C5orf58: variants seen among roughly 807,000 people sequenced by gnomAD.
C5orf58 encodes chromosome 5 open reading frame 58, also known as putative uncharacterized protein C5orf58.
C5orf58 carries 2 observed loss-of-function variants against 2.9 expected under a neutral mutation model. That is an observed-to-expected ratio of 0.69 (90% confidence interval 0.28 to 2.18). C5orf58 has a LOEUF of 2.18. Ranked by LOEUF, C5orf58 falls within the 30% of genes most tolerant of loss-of-function variation. C5orf58 has a pLI of 0.13. For missense variants in C5orf58, 96 were observed against 91.7 expected, an observed-to-expected ratio of 1.05 and a Z score of -0.19; for synonymous variants, 37 against 33.4, an observed-to-expected ratio of 1.11 and a Z score of -0.37.
chr5:170,248,581 G>T, downstream of C5orf58: 1 of 1,039,240 alleles, frequency 9.6e-7, no homozygotes, highest in Non-Finnish European at 1.4e-6. Flanking sequence ...TAAAACCCTT[G>T]TGTTCATGGG....
chr5:170,249,953 T>C (rs1761395460), downstream of C5orf58, among the ~76,000 whole-genome samples: 1 of 152,240 alleles, frequency 6.6e-6, no homozygotes, highest in Non-Finnish European at 1.5e-5. Flanking sequence ...TCTGTGCAGC[T>C]CTATCCACTG....
rs374437895 is a variant in C5orf58, at chr5:170,234,181, G to T, written c.-18G>T. ...TCTCCCTGCTCAGGAAAAGGTAGAG[G>T]CAAGGATTGACTTAAAGGTTAGTTT... On this transcript the variant is annotated 5_prime_UTR_variant, in exon 2 of 4. Coordinates refer to ENST00000593851, the MANE Select transcript of C5orf58 (RefSeq NM_001102609.3). 5.1e-6 allele frequency: 7 copies of T among 1,367,220 alleles called. No individual in the cohort carries two copies. The African/African-American group carries it at 1.0e-4, about 20-fold the overall frequency. 84.7% of individuals were successfully genotyped at this position (1,367,220 alleles called of 1,614,324 possible).
rs558670052 is a variant in C5orf58, at chr5:170,245,762, C to T, written c.95-200C>T. Among the ~76,000 whole-genome samples, 311 of 152,256 alleles carry T rather than the reference C, an allele frequency of 2.0e-3. 1 individual carries two copies. The Middle Eastern group carries it at 0.044, about 22-fold the overall frequency. ...GTCGCTCACGCTGGGAGCTGTAGAC[C>T]GGAGCTGTTCCTATTCAGCCATCTT... is the stretch of plus-strand genomic sequence containing the variant. On this transcript the variant is annotated intron_variant, in intron 3 of 3. Coordinates refer to ENST00000593851, the MANE Select transcript of C5orf58 (RefSeq NM_001102609.3).
downstream of C5orf58, among the ~76,000 whole-genome samples, chr5:170,249,380 A>ATATCTC (rs57880741): frequency 8.8e-5 from 13 of 148,024 alleles, no homozygotes; most frequent in South Asian, 2.1e-4. Flanking sequence ...ATATATATAT[A>ATATCTC]TCTACATATC....
rs1411544410 is a variant in C5orf58 at position 170,235,047 on chromosome 5, C to T, written c.71C>T (p.Ser24Phe). 1 of 1,510,968 alleles carries T rather than the reference C, an allele frequency of 6.6e-7. No homozygotes were observed. The highest frequency in any genetic ancestry group is 9.1e-7 in the Non-Finnish European group (1 of 1,099,224). The allele number at this position is 1,510,968 out of a possible 1,614,324, so 93.6% of individuals were successfully genotyped here. The change falls in exon 3 of 4, where the codon TCT becomes TTT. Residue 24 changes from serine to phenylalanine, a missense_variant. Physicochemically the swap from Ser to Phe is radical, Grantham distance 155. Coordinates refer to ENST00000593851, the MANE Select transcript of C5orf58 (RefSeq NM_001102609.3). ...GTAATTAAAAATATTAACACAATTT[C>T]TTCGGAGTTGAAGAAGATAAAAGGT... Reference protein sequence around the residue: ...DKVIKNINTISSELKKIKELS... With the variant: ...DKVIKNINTIFSELKKIKELS...
At chr5:170,238,379 G>A (rs1000900845) in intron 3 of C5orf58, among the ~76,000 whole-genome samples, 1 of 152,052 alleles carries the variant, frequency 6.6e-6, no homozygotes, top group African/African-American at 2.4e-5. Context: ...AGGGTTGAAA[G>A]GTAAAATGAA....
At chr5:170,245,925 T>C (rs554519084) in intron 3 of C5orf58, 37 bp from the exon 4 acceptor site, 2 of 1,580,366 alleles carry the variant, frequency 1.3e-6, no homozygotes, top group East Asian at 4.5e-5. Flanking sequence ...ATGACATATG[T>C]GCTACAATAT....
chr5:170,245,632 C>T (rs558922899), intron 3 of C5orf58, among the ~76,000 whole-genome samples: 75 of 152,356 alleles, frequency 4.9e-4, no homozygotes, highest in African/African-American at 1.8e-3. Flanking sequence ...TGCTTCGGCT[C>T]GCACACCGTG....
At chr5:170,246,651 T>C (rs1397104094), downstream of C5orf58, 2 of 152,886 alleles carry the variant, frequency 1.3e-5, no homozygotes, top group Non-Finnish European at 2.9e-5. Context: ...TGTACAGCAT[T>C]GCCTTTGGGG....
intron 3 of C5orf58, among the ~76,000 whole-genome samples, chr5:170,241,061 GGTTT>G (rs1269974977): frequency 6.9e-6 from 1 of 145,670 alleles, no homozygotes; most frequent in Non-Finnish European, 1.5e-5. Context: ...GTTTTTCTCA[GGTTT>G]GTCAAAGATC....
In C5orf58 at chr5:170,246,114, TTTC is replaced by T. The variant is rs1761279929; in HGVS notation, c.*4_*6del. On this transcript the variant is annotated 3_prime_UTR_variant, in exon 4 of 4. Coordinates refer to ENST00000593851, the MANE Select transcript of C5orf58 (RefSeq NM_001102609.3). ...TGTTTCTAACAGTTTTTCTATCTGA[TTTC>T]TTATTTGTTATGAGTTTCTGTTTTA... 6.2e-7 allele frequency: 1 copy of T among 1,606,436 alleles called. No individual in the cohort carries two copies. The highest frequency in any genetic ancestry group is 1.3e-5 in the African/African-American group (1 of 74,588).
chr5:170,244,734 GT>G (rs1761178654), intron 3 of C5orf58, among the ~76,000 whole-genome samples: 1 of 151,858 alleles, frequency 6.6e-6, no homozygotes, highest in African/African-American at 2.4e-5. Context: ...ATGTCCTCCC[GT>G]TAGCTCAGAG....
chr5:170,240,110 A>AT (rs1440958683), intron 3 of C5orf58, among the ~76,000 whole-genome samples: 3 of 150,364 alleles, frequency 2.0e-5, no homozygotes, highest in Admixed American at 1.3e-4. Context: ...TGAACTCATC[A>AT]TTTTTTATGG....
chr5:170,241,367 C>G (rs922160589), intron 3 of C5orf58, among the ~76,000 whole-genome samples: 118 of 150,994 alleles, frequency 7.8e-4, no homozygotes, highest in Middle Eastern at 3.4e-3. Context: ...TTACCTTGGG[C>G]AGTATGGCCA....
downstream of C5orf58, among the ~76,000 whole-genome samples, chr5:170,249,366 ATATATATATATATATCTACATATC>A (rs1310261793): frequency 8.3e-6 from 1 of 120,780 alleles, no homozygotes. Context: ...GCGTGTGTAT[ATATATATATATATATCTACATATC>A]TATATATATA....
In C5orf58 at chr5:170,246,012, A is replaced by G. The variant is rs776842130; in HGVS notation, c.145A>G (p.Ile49Val). The G allele has an allele frequency of 6.2e-7, 1 of 1,613,804 alleles. No individual in the cohort carries two copies. Among genetic ancestry groups the G allele is most frequent in the Non-Finnish European group, 8.5e-7 (1 of 1,179,782 alleles). ...CDLILHFNHPIKTENLAEAER... is the reference protein window; with the variant it reads ...CDLILHFNHPVKTENLAEAER... ...CCTTATCCTACATTTTAATCATCCC[A>G]TCAAGACTGAGAACTTAGCAGAAGC... Residue 49 changes from isoleucine to valine, a missense_variant, in exon 4 of 4, where the codon ATC becomes GTC. Coordinates refer to ENST00000593851, the MANE Select transcript of C5orf58 (RefSeq NM_001102609.3).
At chr5:170,250,153 T>C (rs1427525930), downstream of C5orf58, among the ~76,000 whole-genome samples, 1 of 152,226 alleles carries the variant, frequency 6.6e-6, no homozygotes, top group African/African-American at 2.4e-5. Context: ...CTTCAGTTGT[T>C]AGTTTCCTTT....
downstream of C5orf58, chr5:170,247,359 TA>T (rs1271824834): frequency 6.6e-6 from 1 of 152,244 alleles, no homozygotes; most frequent in Non-Finnish European, 1.5e-5. Context: ...CTCCTTATTT[TA>T]ACATATCATC....
chr5:170,237,379 C>G (rs927414002), intron 3 of C5orf58: 8 of 397,952 alleles, frequency 2.0e-5, no homozygotes, highest in African/African-American at 1.0e-4. Flanking sequence ...GGAACTATTG[C>G]CATTGGCATT....
Sources: gnomAD v4.1 joint callset for allele counts (sites outside exome capture counted in the v4.1 genomes callset) on GRCh38, gnomAD v4.1.1 for gene constraint, MANE v1.5 for transcripts, NCBI Gene and HGNC (gene_info 2026-07-23, HGNC 2026-07-21) for gene names.